Variants in ADAMTS19 observed in about 807,000 individuals in gnomAD.
ADAMTS19 encodes ADAM metallopeptidase with thrombospondin type 1 motif 19, also known as A disintegrin and metalloproteinase with thrombospondin motifs 19.
A neutral mutation model predicts 153.3 loss-of-function variants in ADAMTS19; 93 were observed. The observed-to-expected ratio is 0.61, with a 90% CI of 0.51 to 0.72. ADAMTS19 has a LOEUF of 0.72. ADAMTS19 is among the 30% of genes least tolerant of loss of function. The pLI, the probability that ADAMTS19 is intolerant of heterozygous loss-of-function variation, is 0.00. For missense variants in ADAMTS19, 1,482 were observed against 1,552.1 expected, an observed-to-expected ratio of 0.95 and a Z score of 0.76; for synonymous variants, 600 against 556.6, an observed-to-expected ratio of 1.08 and a Z score of -1.10.
chr5:129,694,875 C>A lies in ADAMTS19; in HGVS notation c.2954+20C>A. 2.6e-6 allele frequency: 4 copies of A among 1,528,484 alleles called. No individual in the cohort carries two copies. Among genetic ancestry groups the A allele is most frequent in the South Asian group, 1.3e-5 (1 of 76,696 alleles). The allele number at this position is 1,528,484 out of a possible 1,614,324, so 94.7% of individuals were successfully genotyped here. Reference sequence around the variant, plus strand: ...AACAAGGTAACTCTATTCCAAGGGCCCTTAAAGCATTATTTGTCCATTAGA... The same window carrying A: ...AACAAGGTAACTCTATTCCAAGGGCACTTAAAGCATTATTTGTCCATTAGA... On this transcript the variant is annotated intron_variant, in intron 19 of 22. Transcript: ENST00000274487.
At chr5:129,711,663 G>A (rs759102401) in intron 21 of ADAMTS19, among the ~76,000 whole-genome samples, 4 of 151,674 alleles carry the variant, frequency 2.6e-5, no homozygotes, top group Non-Finnish European at 4.4e-5. Context: ...GTGACAGAGT[G>A]AGACTCTGTC....
At chr5:129,680,049 G>A (rs1754730155) in intron 17 of ADAMTS19, 128 bp downstream of exon 17, 1 of 1,056,324 alleles carries the variant, frequency 9.5e-7, no homozygotes. Context: ...TTTAAAAAGT[G>A]GAATTTTTAG....
intron 16 of ADAMTS19, among the ~76,000 whole-genome samples, chr5:129,668,704 C>T (rs1018404496): frequency 1.3e-5 from 2 of 151,894 alleles, no homozygotes; most frequent in Non-Finnish European, 2.9e-5. Context: ...TTCATAGGTT[C>T]CAAGGATTAG....
intron 21 of ADAMTS19, among the ~76,000 whole-genome samples, chr5:129,714,229 C>T (rs944656890): frequency 6.6e-6 from 1 of 150,528 alleles, no homozygotes; most frequent in Non-Finnish European, 1.5e-5. Context: ...ACCATCCTGG[C>T]TAACAAGGTG....
At chr5:129,697,764 G>T (rs1755627327) in intron 19 of ADAMTS19, among the ~76,000 whole-genome samples, 1 of 152,248 alleles carries the variant, frequency 6.6e-6, no homozygotes, top group Non-Finnish European at 1.5e-5. Flanking sequence ...GATCCTTGCT[G>T]TTACTGCTGT....
intron 2 of ADAMTS19, among the ~76,000 whole-genome samples, chr5:129,489,930 T>C (rs1359757806): frequency 6.6e-6 from 1 of 152,220 alleles, no homozygotes; most frequent in African/African-American, 2.4e-5. Context: ...GAAGTAGAGA[T>C]AGAAAATGTT....
intron 10 of ADAMTS19, among the ~76,000 whole-genome samples, chr5:129,636,261 G>T (rs1160771113): frequency 6.6e-6 from 1 of 152,120 alleles, no homozygotes; most frequent in Non-Finnish European, 1.5e-5. Flanking sequence ...TCAGGAAGTT[G>T]TTTTTTGTAT....
At chr5:129,607,609 G>A (rs566926936) in intron 8 of ADAMTS19, among the ~76,000 whole-genome samples, 1 of 152,184 alleles carries the variant, frequency 6.6e-6, no homozygotes, top group African/African-American at 2.4e-5. Context: ...CAAATATAAT[G>A]GCAGTATATT....
chr5:129,620,804 G>A (rs1171993998), intron 9 of ADAMTS19, 46 bp downstream of exon 9: 22 of 1,580,080 alleles, frequency 1.4e-5, no homozygotes, highest in Non-Finnish European at 1.9e-5. Context: ...GATTATGTGT[G>A]CTGTTTCTTT....
intron 19 of ADAMTS19, among the ~76,000 whole-genome samples, chr5:129,699,197 G>T (rs1428780293): frequency 6.6e-6 from 1 of 152,130 alleles, no homozygotes; most frequent in Non-Finnish European, 1.5e-5. Flanking sequence ...CAGAGCGGGT[G>T]AATCACTTGA....
At chr5:129,550,543 T>G (rs1581073944) in intron 6 of ADAMTS19, among the ~76,000 whole-genome samples, 2 of 149,976 alleles carry the variant, frequency 1.3e-5, no homozygotes, top group South Asian at 2.1e-4. Context: ...TACAGATACA[T>G]CTATACATAT....
intron 2 of ADAMTS19, among the ~76,000 whole-genome samples, chr5:129,491,227 C>T (rs1421888659): frequency 6.6e-6 from 1 of 152,134 alleles, no homozygotes; most frequent in African/African-American, 2.4e-5. Flanking sequence ...TGGTCTCGAT[C>T]TCCTGACCTT....
chr5:129,549,975 T>G (rs190954870), intron 6 of ADAMTS19, among the ~76,000 whole-genome samples: 7 of 141,384 alleles, frequency 5.0e-5, no homozygotes, highest in African/African-American at 7.9e-5. Context: ...TAGATATACA[T>G]ATACATGTAT....
intron 20 of ADAMTS19, among the ~76,000 whole-genome samples, chr5:129,701,902 T>A (rs1755879509): frequency 6.6e-6 from 1 of 152,150 alleles, no homozygotes. Context: ...CACACTTAAC[T>A]CACTGCATAT....
intron 21 of ADAMTS19, among the ~76,000 whole-genome samples, chr5:129,722,003 G>A (rs1436916346): frequency 6.6e-6 from 1 of 152,100 alleles, no homozygotes; most frequent in Non-Finnish European, 1.5e-5. Context: ...ATCTATCACT[G>A]ATACACATTT....
intron 7 of ADAMTS19, among the ~76,000 whole-genome samples, chr5:129,557,586 G>A (rs150474426): frequency 1.3e-5 from 2 of 152,172 alleles, no homozygotes; most frequent in African/African-American, 4.8e-5. Context: ...GCAACAGAGT[G>A]AGGCCCTGTC....
At chr5:129,627,899 T>TAA (rs143333219) in intron 10 of ADAMTS19, among the ~76,000 whole-genome samples, 3 of 147,274 alleles carry the variant, frequency 2.0e-5, no homozygotes, top group South Asian at 4.3e-4. Flanking sequence ...CTCAAAGAGC[T>TAA]AAAAAAAAAA....
At chr5:129,631,240 A>G (rs2127000676) in intron 10 of ADAMTS19, among the ~76,000 whole-genome samples, 1 of 150,194 alleles carries the variant, frequency 6.7e-6, no homozygotes, top group African/African-American at 2.5e-5. Context: ...ATCCAAAAAT[A>G]TACTCTGCAT....
chr5:129,667,351 T>C (rs13358304), intron 16 of ADAMTS19, among the ~76,000 whole-genome samples: 13,387 of 152,204 alleles, frequency 0.088, 654 homozygotes, highest in African/African-American at 0.11. Flanking sequence ...GTTTATTTGA[T>C]GTAAATTATC....
Sources: gnomAD v4.1 joint callset for allele counts (sites outside exome capture counted in the v4.1 genomes callset) on GRCh38, gnomAD v4.1.1 for gene constraint, MANE v1.5 for transcripts, NCBI Gene and HGNC (gene_info 2026-07-23, HGNC 2026-07-21) for gene names.